XKR6: variants seen among roughly 807,000 people sequenced by gnomAD.
The protein encoded by XKR6 is XK related 6.
A neutral mutation model predicts 56.7 loss-of-function variants in XKR6; 22 were observed. The observed-to-expected ratio is 0.39, with a 90% CI of 0.28 to 0.55. The LOEUF is 0.55. Ranked by LOEUF, XKR6 falls within the 20% of genes least tolerant of loss-of-function variation. XKR6 has a pLI of 0.66. For synonymous variants in XKR6, 524 were observed against 387.8 expected, an observed-to-expected ratio of 1.35 and a Z score of -4.13; for missense variants, 852 against 889.0, an observed-to-expected ratio of 0.96 and a Z score of 0.53.
chr8:10,910,812 A>T (rs560929108), intron 2 of XKR6, among the ~76,000 whole-genome samples: 1 of 152,350 alleles, frequency 6.6e-6, no homozygotes, highest in South Asian at 2.1e-4. Flanking sequence ...CCAGCTGCAT[A>T]AAGGCAAACT....
At chr8:10,992,285 T>TCA (rs1165880155) in intron 1 of XKR6, among the ~76,000 whole-genome samples, 39 of 144,416 alleles carry the variant, frequency 2.7e-4, no homozygotes, top group African/African-American at 1.1e-3. Context: ...TCTCTCTCTC[T>TCA]CTCACACACA....
At position 10,898,836 on chromosome 8, in the gene XKR6, C is replaced by G. The variant is rs767011160; in HGVS notation, c.1042G>C (p.Asp348His). Reference protein sequence around the residue: ...YHKLLRDSRDDKKSMSYRGAI... With the variant: ...YHKLLRDSRDHKKSMSYRGAI... ...CCTCTGTAGCTCATGCTCTTCTTGT[C>G]GTCCCTGGAGTCCCGCAGCAGCTTG... The change falls in exon 3 of 3, where the codon GAC becomes CAC. Residue 348 changes from aspartate to histidine, a missense_variant. Around this residue, in one of 4 missense-constraint regions of XKR6, gnomAD observed 199 missense variants for 280.4 expected, o/e 0.71. Coordinates refer to ENST00000416569, the MANE Select transcript of XKR6 (RefSeq NM_173683.4). This position sits in a 1 kb window ranked among gnomAD's most constrained non-coding sequence, Gnocchi z 6.6. 6.2e-7 allele frequency: 1 copy of G among 1,614,138 alleles called. No homozygotes were observed. The highest frequency in any genetic ancestry group is 8.5e-7 in the Non-Finnish European group (1 of 1,180,034).
intron 1 of XKR6, among the ~76,000 whole-genome samples, chr8:11,184,589 A>G (rs912911648): frequency 2.6e-5 from 4 of 152,308 alleles, no homozygotes; most frequent in South Asian, 4.1e-4. Context: ...ATGGTTTTCT[A>G]TAAGAACTTA....
At chr8:11,018,420 G>T (rs62490737) in intron 1 of XKR6, among the ~76,000 whole-genome samples, 4 of 152,286 alleles carry the variant, frequency 2.6e-5, no homozygotes, top group South Asian at 4.1e-4. Context: ...GGAAGGGAGC[G>T]ATGGCAAGAG....
At chr8:10,946,802 G>A (rs533407884) in intron 1 of XKR6, among the ~76,000 whole-genome samples, 5 of 152,258 alleles carry the variant, frequency 3.3e-5, no homozygotes, top group Middle Eastern at 6.8e-3. Flanking sequence ...CAACCAGGTT[G>A]GAACAGCAGG....
In XKR6 at chr8:10,984,699, T is replaced by G. The variant is rs139983091; in HGVS notation, c.765-59869A>C. Among the ~76,000 whole-genome samples, 110 of 44,602 alleles carry G rather than the reference T, an allele frequency of 2.5e-3. 1 individual carries two copies. Among genetic ancestry groups the G allele is most frequent in the Non-Finnish European group, 3.3e-3 (70 of 21,122 alleles). 29.3% of individuals were successfully genotyped at this position (44,602 alleles called of 152,430 possible). On this transcript the variant is annotated intron_variant, in intron 1 of 2. Coordinates refer to ENST00000416569, the MANE Select transcript of XKR6 (RefSeq NM_173683.4). Reference sequence around the variant, plus strand: ...ACACAAAAGATAAAATACATGGCTCTCTCTCTCTCTCTCTCTCTCTCTCTC... The same window carrying G: ...ACACAAAAGATAAAATACATGGCTCGCTCTCTCTCTCTCTCTCTCTCTCTC...
intron 1 of XKR6, among the ~76,000 whole-genome samples, chr8:11,149,537 T>A (rs995173995): frequency 6.6e-6 from 1 of 152,104 alleles, no homozygotes; most frequent in African/African-American, 2.4e-5. Context: ...TCATACTGCA[T>A]CATACTTTTG....
At position 11,059,714 on chromosome 8, in the gene XKR6, C is replaced by A. The variant is rs556624349; in HGVS notation, c.765-134884G>T. ...GGCGGGACAGGCGCGTCTCTGTTCC[C>A]CGGCTCCCCGGCCCGCGCCCCCCGG... is the stretch of plus-strand genomic sequence containing the variant. On this transcript the variant is annotated intron_variant, in intron 1 of 2. Transcript: ENST00000416569. Among the ~76,000 whole-genome samples, 1,314 of 149,584 alleles carry A rather than the reference C, an allele frequency of 8.8e-3. 7 individuals are homozygous for A. The highest frequency in any genetic ancestry group is 0.014 in the Non-Finnish European group (954 of 66,838).
rs537286952 is a variant in XKR6 at position 10,941,173 on chromosome 8, G to C, written c.765-16343C>G. The stretch of plus-strand genomic sequence containing the variant: ...ACAGGCTCCTTCTACCCTCTCTCCT[G>C]TCCTTCCTCCGGGTTCACAGCCTCC... On this transcript the variant is annotated intron_variant, in intron 1 of 2. Transcript: ENST00000416569. Among the ~76,000 whole-genome samples the C allele has an allele frequency of 7.9e-5, 12 of 152,188 alleles. No homozygotes were observed. In the East Asian group the frequency reaches 2.3e-3, roughly 29 times the overall value.
intron 1 of XKR6, among the ~76,000 whole-genome samples, chr8:11,149,843 C>A (rs560139256): frequency 6.6e-6 from 1 of 152,282 alleles, no homozygotes; most frequent in African/African-American, 2.4e-5. Context: ...TGTCTGCCAA[C>A]AGACAAATGG....
intron 1 of XKR6, among the ~76,000 whole-genome samples, chr8:11,008,138 C>T (rs1798414552): frequency 6.6e-6 from 1 of 152,184 alleles, no homozygotes; most frequent in Non-Finnish European, 1.5e-5. Flanking sequence ...TTTACTCTCA[C>T]GATGCCCTGT....
intron 1 of XKR6, among the ~76,000 whole-genome samples, chr8:11,121,374 G>A (rs769410121): frequency 4.6e-5 from 7 of 152,060 alleles, no homozygotes; most frequent in South Asian, 2.1e-4. Flanking sequence ...AAAAGTGAGC[G>A]AAGGATATGA....
intron 1 of XKR6, among the ~76,000 whole-genome samples, chr8:10,989,230 G>C (rs754891640): frequency 6.6e-6 from 1 of 152,194 alleles, no homozygotes; most frequent in African/African-American, 2.4e-5. Context: ...TATTTGCTTG[G>C]ATTAACAGAA....
At chr8:11,062,245 C>T (rs1799853758) in intron 1 of XKR6, among the ~76,000 whole-genome samples, 1 of 152,122 alleles carries the variant, frequency 6.6e-6, no homozygotes, top group Non-Finnish European at 1.5e-5. Context: ...CACAAACTAT[C>T]ACATGCCAAG....
chr8:11,071,495 CCA>C (rs1800115910), intron 1 of XKR6, among the ~76,000 whole-genome samples: 20 of 138,218 alleles, frequency 1.4e-4, no homozygotes, highest in African/African-American at 3.2e-4. Context: ...AGCCCCGAGT[CCA>C]TGAGCCCCGA....
intron 1 of XKR6, among the ~76,000 whole-genome samples, chr8:11,015,222 AT>A (rs1798591746): frequency 6.6e-6 from 1 of 151,086 alleles, no homozygotes; most frequent in Non-Finnish European, 1.5e-5. Context: ...AGTAACCCAA[AT>A]TCTTTTAGTT....
intron 1 of XKR6, among the ~76,000 whole-genome samples, chr8:10,982,363 T>C (rs893515040): frequency 6.6e-6 from 1 of 152,196 alleles, no homozygotes; most frequent in African/African-American, 2.4e-5. Context: ...TAAGATGTCA[T>C]AGGATAATGC....
chr8:11,051,516 G>A (rs560617754), intron 1 of XKR6, among the ~76,000 whole-genome samples: 1 of 152,142 alleles, frequency 6.6e-6, no homozygotes, highest in Non-Finnish European at 1.5e-5. Flanking sequence ...GCGGAGTAAA[G>A]GACACCATCA....
intron 1 of XKR6, among the ~76,000 whole-genome samples, chr8:11,134,603 A>G (rs777184806): frequency 6.6e-6 from 1 of 152,034 alleles, no homozygotes; most frequent in Non-Finnish European, 1.5e-5. Context: ...GTATATTTTT[A>G]TATTTTTTGG....
Sources: allele counts gnomAD v4.1 joint callset (sites outside exome capture counted in the v4.1 genomes callset), GRCh38; gene constraint gnomAD v4.1.1; regional missense constraint gnomAD v4.1.1; non-coding constraint Gnocchi (gnomAD v3.1); transcripts MANE v1.5; gene names NCBI Gene and HGNC (gene_info 2026-07-23, HGNC 2026-07-21).